CPPED1: variants seen among roughly 807,000 people sequenced by gnomAD.
The protein encoded by CPPED1 is calcineurin like phosphoesterase domain containing 1.
CPPED1 carries 28 observed loss-of-function variants against 28.0 expected under a neutral mutation model. The ratio of observed to expected loss-of-function variants is 1.00; its 90% CI spans 0.74 to 1.37. The LOEUF (loss-of-function observed/expected upper bound fraction) is 1.37. Among genes scored for constraint, CPPED1 ranks in the 40% most tolerant of loss-of-function variants. The pLI is 0.00. For synonymous variants in CPPED1, 198 were observed against 180.2 expected (o/e 1.10, Z -0.79); for missense variants, 504 against 416.5 (o/e 1.21, Z -1.83).
chr16:12,769,733 C>A (rs2141231860), intron 2 of CPPED1, among the ~76,000 whole-genome samples: 1 of 152,228 alleles, frequency 6.6e-6, no homozygotes, highest in Admixed American at 6.5e-5. Context: ...AGCATTCGAC[C>A]CACACGCGAC....
intron 1 of CPPED1, among the ~76,000 whole-genome samples, chr16:12,795,191 G>A (rs1164381408): frequency 6.6e-6 from 1 of 152,240 alleles, no homozygotes; most frequent in Non-Finnish European, 1.5e-5. Flanking sequence ...GTAGGCACAT[G>A]GCCAGGCTAA....
chr16:12,782,865 T>C (rs1180964279), intron 1 of CPPED1, among the ~76,000 whole-genome samples: 2 of 151,416 alleles, frequency 1.3e-5, no homozygotes, highest in African/African-American at 2.4e-5. Context: ...AATGAGACTC[T>C]ATCTCAATAA....
chr16:12,688,154 CG>C (rs1856187007), intron 3 of CPPED1, among the ~76,000 whole-genome samples: 1 of 151,538 alleles, frequency 6.6e-6, no homozygotes, highest in African/African-American at 2.4e-5. Context: ...CCTCAGCCTT[CG>C]GGGTAGCTGG....
chr16:12,667,358 G>C (rs1479814269), intron 3 of CPPED1, among the ~76,000 whole-genome samples: 2 of 152,182 alleles, frequency 1.3e-5, no homozygotes, highest in Admixed American at 1.3e-4. Flanking sequence ...AAGATGTTAT[G>C]AAACAACATA....
intron 2 of CPPED1, among the ~76,000 whole-genome samples, chr16:12,735,887 C>G (rs1008977346): frequency 2.0e-5 from 3 of 152,202 alleles, no homozygotes; most frequent in African/African-American, 7.2e-5. Context: ...GCCTGCATCC[C>G]CAGTGCCCCA....
intron 2 of CPPED1, among the ~76,000 whole-genome samples, chr16:12,706,555 CGA>C (rs758166341): frequency 1.3e-4 from 10 of 75,572 alleles, no homozygotes; most frequent in Admixed American, 5.4e-4. Flanking sequence ...TAATTTTCAC[CGA>C]AAAAAAAAAA....
chr16:12,695,772 T>C (rs146778097), intron 3 of CPPED1, among the ~76,000 whole-genome samples: 182 of 152,340 alleles, frequency 1.2e-3, no homozygotes, highest in African/African-American at 3.9e-3. Flanking sequence ...CACTTTCCTT[T>C]TTCTGCCCAC....
At position 12,738,373 on chromosome 16, in the gene CPPED1, C is replaced by T. The variant is rs190024957; in HGVS notation, c.290-33324G>A. Among the ~76,000 whole-genome samples, 1,007 of 151,946 alleles carry T rather than the reference C, an allele frequency of 6.6e-3. 6 individuals are homozygous for T. The highest frequency in any genetic ancestry group is 0.034 in the Middle Eastern group (10 of 294). ...GTGGTACAGAATTACGAGTGATTTT[C>T]CTCTCTTCTTCCAAAATGTCTTTTG... On this transcript the variant is annotated intron_variant, in intron 2 of 3. Transcript: ENST00000381774.
In CPPED1 at chr16:12,664,823, T is replaced by C. The variant is rs994421943; in HGVS notation, c.*63A>G. On this transcript the variant is annotated 3_prime_UTR_variant, in exon 4 of 4. Coordinates refer to ENST00000381774, the MANE Select transcript of CPPED1 (RefSeq NM_018340.3). The surrounding 1 kb of genome is among the most constrained non-coding windows in gnomAD (Gnocchi z 4.2). Reference sequence around the variant, plus strand: ...ATTTCAGCAAGAGGTTGTGTGCAGCTGCTGTTTCTGGCAAAATAAAAAAAT... The same window carrying C: ...ATTTCAGCAAGAGGTTGTGTGCAGCCGCTGTTTCTGGCAAAATAAAAAAAT... 1.2e-6 allele frequency: 2 copies of C among 1,602,698 alleles called. No homozygotes were observed. Among genetic ancestry groups the C allele is most frequent in the African/African-American group, 2.7e-5 (2 of 73,972 alleles).
At chr16:12,789,011 G>A (rs1028119218) in intron 1 of CPPED1, among the ~76,000 whole-genome samples, 1 of 152,228 alleles carries the variant, frequency 6.6e-6, no homozygotes, top group Non-Finnish European at 1.5e-5. Flanking sequence ...CTGCTTAGCA[G>A]ATGTGTGCTG....
At chr16:12,726,901 G>A (rs900443987) in intron 2 of CPPED1, among the ~76,000 whole-genome samples, 2 of 152,124 alleles carry the variant, frequency 1.3e-5, no homozygotes, top group African/African-American at 2.4e-5. Context: ...GTTAGTGTAC[G>A]GGGCTAGGTG....
intron 1 of CPPED1, among the ~76,000 whole-genome samples, chr16:12,782,623 G>A (rs2080539213): frequency 6.6e-6 from 1 of 151,516 alleles, no homozygotes; most frequent in African/African-American, 2.4e-5. Flanking sequence ...ACTTTGGGAG[G>A]CCAACATGGA....
chr16:12,662,975 CT>C lies in CPPED1; in HGVS notation c.*1910del, dbSNP rs1363951162. ...AGTGAGAGCTCCTTTTCATTTCCCC[CT>C]GGAGGAACCCCCATCCTGGAATCGA... is the stretch of plus-strand genomic sequence containing the variant. On this transcript the variant is annotated 3_prime_UTR_variant, in exon 4 of 4. Coordinates refer to ENST00000381774, the MANE Select transcript of CPPED1 (RefSeq NM_018340.3). The C allele has an allele frequency of 1.3e-5, 2 of 152,170 alleles. No homozygotes were observed. The highest frequency in any genetic ancestry group is 4.8e-5 in the African/African-American group (2 of 41,392). The allele number at this position is 152,170 out of a possible 1,614,324, so 9.4% of individuals were successfully genotyped here. A position where few individuals can be genotyped will look rare whatever the true frequency, so the allele number is the denominator to read the frequency against.
intron 3 of CPPED1, among the ~76,000 whole-genome samples, chr16:12,684,966 T>C (rs895604593): frequency 5.9e-5 from 9 of 151,632 alleles, no homozygotes; most frequent in Non-Finnish European, 1.2e-4. Flanking sequence ...GAAGGGAGAG[T>C]TCCCGTATTT....
chr16:12,786,503 C>G (rs1343757347), intron 1 of CPPED1, among the ~76,000 whole-genome samples: 2 of 152,176 alleles, frequency 1.3e-5, no homozygotes, highest in African/African-American at 4.8e-5. Flanking sequence ...ATTGTTAGGT[C>G]TCTGCCTATG....
chr16:12,697,626 G>A (rs997598777), intron 3 of CPPED1, among the ~76,000 whole-genome samples: 7 of 152,166 alleles, frequency 4.6e-5, no homozygotes, highest in African/African-American at 1.7e-4. Flanking sequence ...ATCACCGGCA[G>A]GCCTACCACC....
intron 3 of CPPED1, among the ~76,000 whole-genome samples, chr16:12,689,105 C>T (rs540307742): frequency 6.6e-5 from 10 of 150,904 alleles, no homozygotes; most frequent in South Asian, 2.1e-4. Flanking sequence ...GGTATGTCTA[C>T]AGAGTACAAT....
chr16:12,767,244 G>C (rs1462196240), intron 2 of CPPED1, among the ~76,000 whole-genome samples: 1 of 152,178 alleles, frequency 6.6e-6, no homozygotes, highest in Non-Finnish European at 1.5e-5. Context: ...CTGAGAACCA[G>C]GAGTGCCGAT....
chr16:12,785,077 C>A (rs1223799070), intron 1 of CPPED1, among the ~76,000 whole-genome samples: 1 of 152,172 alleles, frequency 6.6e-6, no homozygotes, highest in African/African-American at 2.4e-5. Flanking sequence ...TCTTAAGGTT[C>A]CTGCTACAGA....
Sources: allele counts gnomAD v4.1 joint callset (sites outside exome capture counted in the v4.1 genomes callset), GRCh38; gene constraint gnomAD v4.1.1; non-coding constraint Gnocchi (gnomAD v3.1); transcripts MANE v1.5; gene names NCBI Gene and HGNC (gene_info 2026-07-23, HGNC 2026-07-21).